Variants in FGF14 observed in about 807,000 individuals in gnomAD.
The protein encoded by FGF14 is fibroblast growth factor 14.
FGF14 carries 5 observed loss-of-function variants against 25.5 expected under a neutral mutation model. The ratio of observed to expected loss-of-function variants is 0.20; its 90% CI spans 0.10 to 0.41. The LOEUF (loss-of-function observed/expected upper bound fraction) is 0.41, where lower values mean the gene tolerates loss of function less well. Ranked by LOEUF, FGF14 falls within the 10% of genes least tolerant of loss-of-function variation. FGF14 has a pLI of 1.00. For synonymous variants in FGF14, 138 were observed against 118.3 expected, an observed-to-expected ratio of 1.17 and a Z score of -1.08; for missense variants, 222 against 320.1, an observed-to-expected ratio of 0.69 and a Z score of 2.34.
At chr13:101,843,382 C>T (rs1227053879) in intron 3 of FGF14, among the ~76,000 whole-genome samples, 1 of 151,864 alleles carries the variant, frequency 6.6e-6, no homozygotes, top group Non-Finnish European at 1.5e-5. Flanking sequence ...ATGCTTATAG[C>T]ATAAGGGATC....
At chr13:102,329,470 A>C (rs1470927836) in intron 1 of FGF14, among the ~76,000 whole-genome samples, 1 of 152,124 alleles carries the variant, frequency 6.6e-6, no homozygotes. Context: ...TCATTCCCTT[A>C]AAACCCATCA....
intron 1 of FGF14, among the ~76,000 whole-genome samples, chr13:101,948,712 T>G (rs960783561): frequency 7.2e-5 from 11 of 151,976 alleles, no homozygotes; most frequent in African/African-American, 2.4e-4. Flanking sequence ...ATAAAAAGGT[T>G]TTTTTAATTA....
intron 3 of FGF14, among the ~76,000 whole-genome samples, chr13:101,776,849 A>AGG (rs766539120): frequency 3.3e-5 from 5 of 152,228 alleles, no homozygotes; most frequent in Non-Finnish European, 7.3e-5. Flanking sequence ...TTCAAGTTCA[A>AGG]GGCCCTGGCA....
intron 1 of FGF14, among the ~76,000 whole-genome samples, chr13:102,326,751 GA>G (rs1566939205): frequency 1.5e-4 from 14 of 92,830 alleles, no homozygotes; most frequent in African/African-American, 6.6e-4. Flanking sequence ...AGGAAGGAAG[GA>G]AAGAGGGAGG....
intron 1 of FGF14, among the ~76,000 whole-genome samples, chr13:101,964,587 A>T (rs567959740): frequency 2.0e-5 from 3 of 152,308 alleles, no homozygotes; most frequent in Admixed American, 1.3e-4. Flanking sequence ...TCATCCAGAG[A>T]GTATCACTGA....
At chr13:101,971,899 G>A (rs1001173) in intron 1 of FGF14, among the ~76,000 whole-genome samples, 1 of 152,128 alleles carries the variant, frequency 6.6e-6, no homozygotes, top group Admixed American at 6.5e-5. Context: ...AATTTCACAC[G>A]TGTATTCTAC....
intron 3 of FGF14, among the ~76,000 whole-genome samples, chr13:101,750,313 C>T (rs550279712): frequency 6.6e-6 from 1 of 151,912 alleles, no homozygotes. Context: ...TGGAACATTC[C>T]AGACTTACTG....
chr13:101,805,802 T>C (rs2041162101), intron 3 of FGF14, among the ~76,000 whole-genome samples: 1 of 152,028 alleles, frequency 6.6e-6, no homozygotes, highest in Non-Finnish European at 1.5e-5. Flanking sequence ...GATGCCAACT[T>C]CAATACCACC....
intron 1 of FGF14, among the ~76,000 whole-genome samples, chr13:102,189,004 GA>G (rs1213274001): frequency 7.0e-5 from 5 of 71,790 alleles, no homozygotes; most frequent in African/African-American, 1.3e-4. Context: ...AAGAAAGAAA[GA>G]AAGAGAAAGA....
chr13:101,876,592 T>C (rs2045406835), intron 1 of FGF14, among the ~76,000 whole-genome samples: 2 of 152,178 alleles, frequency 1.3e-5, no homozygotes, highest in Admixed American at 6.6e-5. Flanking sequence ...GATGGTATAA[T>C]ATTGGAAAAA....
At position 101,827,605 on chromosome 13, in the gene FGF14, T is replaced by TC. The variant is rs1171665471; in HGVS notation, c.408+41119dup. Among the ~76,000 whole-genome samples, 3 of 152,054 alleles carry TC rather than the reference T, an allele frequency of 2.0e-5. No homozygotes were observed. The East Asian group carries it at 5.8e-4, about 29-fold the overall frequency. ...AAAGTATGTGCTAAAATTCATTACT[T>TC]CAATTATTTTTGTGGTTTATTATAA... On this transcript the variant is annotated intron_variant, in intron 3 of 4. Transcript: ENST00000376143.
chr13:102,130,819 G>A (rs556439928), intron 1 of FGF14, among the ~76,000 whole-genome samples: 1 of 152,206 alleles, frequency 6.6e-6, no homozygotes, highest in African/African-American at 2.4e-5. Context: ...GTGAGGGAAG[G>A]ACAGGCCTCC....
At chr13:101,971,231 T>C (rs951719285) in intron 1 of FGF14, among the ~76,000 whole-genome samples, 2 of 152,190 alleles carry the variant, frequency 1.3e-5, no homozygotes, top group Admixed American at 1.3e-4. Flanking sequence ...TTAATTCTGT[T>C]CAGTGTTTTT....
At chr13:101,903,849 GTGTT>G (rs575656205) in intron 1 of FGF14, among the ~76,000 whole-genome samples, 56 of 152,026 alleles carry the variant, frequency 3.7e-4, no homozygotes, top group Non-Finnish European at 7.4e-4. Flanking sequence ...AGGGCCTTTT[GTGTT>G]TGTTTGCTTG....
At chr13:102,095,059 A>G (rs7336700) in intron 1 of FGF14, among the ~76,000 whole-genome samples, 58,768 of 152,072 alleles carry the variant, frequency 0.39, 13,473 homozygotes, top group Non-Finnish European at 0.51. Flanking sequence ...CATTGGAGAT[A>G]CCGTCATTGT....
chr13:102,143,045 G>C (rs1243780956), intron 1 of FGF14, among the ~76,000 whole-genome samples: 1 of 151,968 alleles, frequency 6.6e-6, no homozygotes. Flanking sequence ...ATGCCAACTT[G>C]AGATTCCACC....
chr13:102,257,001 TTTGGTGGC>T (rs1161602092), intron 1 of FGF14, among the ~76,000 whole-genome samples: 1 of 152,174 alleles, frequency 6.6e-6, no homozygotes, highest in African/African-American at 2.4e-5. Flanking sequence ...TCTATCTGAA[TTTGGTGGC>T]TTGTATTGAA....
intron 1 of FGF14, among the ~76,000 whole-genome samples, chr13:102,233,289 A>C (rs536170141): frequency 6.6e-6 from 1 of 151,322 alleles, no homozygotes; most frequent in Admixed American, 6.6e-5. Context: ...CGCCCACCAC[A>C]CCCGGCTAAT....
chr13:101,999,249 A>T (rs1183037230), intron 1 of FGF14, among the ~76,000 whole-genome samples: 1 of 152,244 alleles, frequency 6.6e-6, no homozygotes, highest in Non-Finnish European at 1.5e-5. Context: ...CACTGAAAGA[A>T]ATTGATTAAA....
Sources: gnomAD v4.1 joint callset for allele counts (sites outside exome capture counted in the v4.1 genomes callset) on GRCh38, gnomAD v4.1.1 for gene constraint, MANE v1.5 for transcripts, NCBI Gene and HGNC (gene_info 2026-07-23, HGNC 2026-07-21) for gene names.